The following ZDHHC7 variants were observed in gnomAD, a reference collection of about 807,000 sequenced individuals.
ZDHHC7 encodes zDHHC palmitoyltransferase 7, also known as palmitoyltransferase ZDHHC7.
Under a neutral mutation model 34.1 loss-of-function variants are expected in ZDHHC7, and 12 were observed. The ratio of observed to expected loss-of-function variants is 0.35; its 90% confidence interval spans 0.23 to 0.57. The LOEUF (loss-of-function observed/expected upper bound fraction) is 0.57. Among genes scored for constraint, ZDHHC7 ranks in the 20% least tolerant of loss-of-function variants. ZDHHC7 has a pLI of 0.84. For missense variants in ZDHHC7, 388 were observed against 402.7 expected (o/e 0.96, Z 0.31); for synonymous variants, 185 against 155.4 (o/e 1.19, Z -1.42).
chr16:84,984,448 T>C (rs1207392483), intron 3 of ZDHHC7, among the ~76,000 whole-genome samples: 1 of 152,036 alleles, frequency 6.6e-6, no homozygotes, highest in Non-Finnish European at 1.5e-5. Context: ...TCAGAGGAAA[T>C]GGGCCAGATT....
At chr16:85,006,425 TA>T (rs2072717748) in intron 1 of ZDHHC7, among the ~76,000 whole-genome samples, 1 of 152,054 alleles carries the variant, frequency 6.6e-6, no homozygotes, top group Non-Finnish European at 1.5e-5. Flanking sequence ...AAATAATATA[TA>T]GGGCCAGGTG....
At chr16:84,985,402 G>A (rs1450694569) in intron 3 of ZDHHC7, among the ~76,000 whole-genome samples, 3 of 152,222 alleles carry the variant, frequency 2.0e-5, no homozygotes, top group Non-Finnish European at 2.9e-5. Flanking sequence ...CTAACTAAGC[G>A]GCAGGTAAGA....
chr16:85,022,892 A>G, the ZDHHC7 span, among the ~76,000 whole-genome samples: 1 of 152,198 alleles, frequency 6.6e-6, no homozygotes, highest in South Asian at 2.1e-4. Flanking sequence ...ATGGAGGGAC[A>G]TCCTATGGAA....
intron 3 of ZDHHC7, among the ~76,000 whole-genome samples, chr16:84,982,357 A>G (rs1567493916): frequency 6.6e-6 from 1 of 152,066 alleles, no homozygotes; most frequent in Non-Finnish European, 1.5e-5. Flanking sequence ...AAAAAAAAAA[A>G]AAATCATATA....
chr16:85,016,621 A>ATTT, the ZDHHC7 span, among the ~76,000 whole-genome samples: 1 of 141,726 alleles, frequency 7.1e-6, no homozygotes, highest in African/African-American at 2.6e-5. Context: ...CACCTGGTTA[A>ATTT]TTTTTTTTTT....
chr16:84,984,528 C>T (rs1347690592), intron 3 of ZDHHC7, among the ~76,000 whole-genome samples: 2 of 152,128 alleles, frequency 1.3e-5, no homozygotes, highest in Non-Finnish European at 2.9e-5. Context: ...AAATATGATA[C>T]GATGTGGCAC....
intron 2 of ZDHHC7, among the ~76,000 whole-genome samples, chr16:84,992,044 C>A (rs1401688844): frequency 6.6e-6 from 1 of 151,742 alleles, no homozygotes; most frequent in Non-Finnish European, 1.5e-5. Flanking sequence ...GGCATGGTGG[C>A]GTGCGCCTGT....
intron 3 of ZDHHC7, among the ~76,000 whole-genome samples, chr16:84,985,888 A>G (rs947971572): frequency 7.0e-6 from 1 of 143,594 alleles, no homozygotes; most frequent in Non-Finnish European, 1.5e-5. Flanking sequence ...CCAAGAGGCA[A>G]CCGTTTCAAT....
chr16:84,986,424 G>A (rs2072437777), intron 3 of ZDHHC7, among the ~76,000 whole-genome samples: 1 of 152,226 alleles, frequency 6.6e-6, no homozygotes, highest in Non-Finnish European at 1.5e-5. Flanking sequence ...CTGGACAGCA[G>A]TCGCGGCCCC....
the ZDHHC7 span, among the ~76,000 whole-genome samples, chr16:85,017,826 T>A: frequency 6.6e-6 from 1 of 152,156 alleles, no homozygotes; most frequent in Non-Finnish European, 1.5e-5. Context: ...AAGTACACAC[T>A]CAAGGGAATG....
intron 2 of ZDHHC7, among the ~76,000 whole-genome samples, chr16:84,992,647 A>C (rs76647763): frequency 0.025 from 3,845 of 152,268 alleles, 87 homozygotes; most frequent in East Asian, 0.092. Flanking sequence ...GAAAATACTG[A>C]CAAATATTTT....
At chr16:84,976,638 A>C in intron 7 of ZDHHC7, 119 bp from the exon 8 acceptor site, 1 of 1,342,952 alleles carries the variant, frequency 7.4e-7, no homozygotes, top group Non-Finnish European at 1.0e-6. Flanking sequence ...TAGGTGAGTG[A>C]ACTCTCCTTC....
intron 1 of ZDHHC7, among the ~76,000 whole-genome samples, chr16:85,006,841 A>G (rs1834413235): frequency 6.6e-6 from 1 of 152,168 alleles, no homozygotes; most frequent in African/African-American, 2.4e-5. Flanking sequence ...TCCAGGCTCA[A>G]CATTCCCCAC....
chr16:85,022,508 G>A, the ZDHHC7 span, among the ~76,000 whole-genome samples: 1 of 152,146 alleles, frequency 6.6e-6, no homozygotes, highest in Non-Finnish European at 1.5e-5. Context: ...GGGCAAAAGA[G>A]TAAGACTCTG....
chr16:85,006,159 C>T (rs1012430797), intron 1 of ZDHHC7, among the ~76,000 whole-genome samples: 1 of 152,074 alleles, frequency 6.6e-6, no homozygotes, highest in Non-Finnish European at 1.5e-5. Flanking sequence ...AGTTAAAAGA[C>T]CAGCCTGGGC....
At chr16:85,016,379 T>A (rs1424482983), upstream of ZDHHC7, among the ~76,000 whole-genome samples, 3 of 152,100 alleles carry the variant, frequency 2.0e-5, no homozygotes, top group African/African-American at 7.2e-5. Context: ...GCATTGCCTG[T>A]GCTTTTAGTT....
intron 1 of ZDHHC7, among the ~76,000 whole-genome samples, chr16:85,009,122 C>G (rs1014273272): frequency 6.6e-6 from 1 of 151,810 alleles, no homozygotes; most frequent in Non-Finnish European, 1.5e-5. Flanking sequence ...GTAAAATTAT[C>G]TTGTATAGTT....
chr16:85,008,593 C>T lies in ZDHHC7; in HGVS notation c.-104+2693G>A, dbSNP rs148783259. On this transcript the variant is annotated intron_variant, in intron 1 of 7. Coordinates refer to ENST00000313732, the MANE Select transcript of ZDHHC7 (RefSeq NM_017740.3). ...GCACTATTCCCACTCAACTTTATAG[C>T]TAGCTAACTGGCACAGTCCAGCTAA... 2.8e-3 allele frequency among the ~76,000 whole-genome samples: 433 copies of T among 151,958 alleles called. 6 individuals carry two copies. Among genetic ancestry groups the T allele is most frequent in the African/African-American group, 9.9e-3 (409 of 41,314 alleles).
the ZDHHC7 span, among the ~76,000 whole-genome samples, chr16:85,021,294 C>G: frequency 1.3e-4 from 19 of 151,386 alleles, 1 homozygote; most frequent in Middle Eastern, 6.9e-3. Context: ...CACCTTTAGT[C>G]CCAGCTATTC....
Sources: allele counts gnomAD v4.1 joint callset (sites outside exome capture counted in the v4.1 genomes callset), GRCh38; gene constraint gnomAD v4.1.1; transcripts MANE v1.5; gene names NCBI Gene and HGNC (gene_info 2026-07-23, HGNC 2026-07-21).